Variants in DNAH14 observed in about 807,000 individuals in gnomAD.
The protein encoded by DNAH14 is dynein axonemal heavy chain 14.
Under a neutral mutation model 520.9 loss-of-function variants are expected in DNAH14, and 478 were observed. That is an observed-to-expected ratio of 0.92 (90% CI 0.85 to 0.99). DNAH14 has a LOEUF of 0.99. Among genes scored for constraint, DNAH14 ranks in the 50% least tolerant of loss-of-function variants. The pLI is 0.00. For missense variants in DNAH14, 4,831 were observed against 5,234.5 expected, an observed-to-expected ratio of 0.92 and a Z score of 2.38; for synonymous variants, 1,581 against 1,757.2, an observed-to-expected ratio of 0.90 and a Z score of 2.51.
chr1:225,369,611 CAAAT>C lies in DNAH14; in HGVS notation c.12318+1581_12318+1584del, dbSNP rs531084542. 8.0e-4 allele frequency among the ~76,000 whole-genome samples: 122 copies of C among 151,880 alleles called. 2 individuals carry two copies. The highest frequency in any genetic ancestry group is 2.8e-3 in the African/African-American group (115 of 41,438). ...ATCAGGATTGGACAGCTCTAATAAA[CAAAT>C]ATAAGATGAATAGAATAATGTAGTC... On this transcript the variant is annotated intron_variant, in intron 77 of 85. Coordinates refer to ENST00000682510, the MANE Select transcript of DNAH14 (RefSeq NM_001367479.1).
At chr1:225,190,441 T>C (rs913540851) in intron 37 of DNAH14, among the ~76,000 whole-genome samples, 2 of 152,012 alleles carry the variant, frequency 1.3e-5, no homozygotes, top group Non-Finnish European at 2.9e-5. Context: ...CTACTCAAAA[T>C]AGCATGAAAC....
rs2058562382 is a variant in DNAH14, at chr1:224,929,888, G to C, written c.-34+53G>C. 4.9e-6 allele frequency: 3 copies of C among 614,940 alleles called. No homozygotes were observed. In the South Asian group the frequency reaches 5.6e-5, roughly 11 times the overall value. 38.1% of individuals were successfully genotyped at this position (614,940 alleles called of 1,614,324 possible). ...CGGTCGGCAGAGCCTCGGCGGGCGG[G>C]CGGCGCGTGGGGCAGCCGGTGTCGC... On this transcript the variant is annotated intron_variant, in intron 1 of 85. Coordinates refer to ENST00000682510, the MANE Select transcript of DNAH14 (RefSeq NM_001367479.1).
intron 76 of DNAH14, among the ~76,000 whole-genome samples, chr1:225,366,224 G>T (rs2095551217): frequency 6.6e-6 from 1 of 152,084 alleles, no homozygotes; most frequent in African/African-American, 2.4e-5. Flanking sequence ...TGCTGACAAG[G>T]TAATATCAGG....
chr1:225,254,449 C>T (rs1172041746), intron 44 of DNAH14, among the ~76,000 whole-genome samples: 1 of 152,014 alleles, frequency 6.6e-6, no homozygotes, highest in Non-Finnish European at 1.5e-5. Context: ...ATGCCATGGC[C>T]AAAAAATTGG....
intron 15 of DNAH14, among the ~76,000 whole-genome samples, chr1:225,047,306 C>T (rs368769719): frequency 2.8e-4 from 43 of 152,240 alleles, no homozygotes; most frequent in African/African-American, 9.9e-4. Context: ...ATCTGGCTGA[C>T]ATAATCAACA....
intron 1 of DNAH14, among the ~76,000 whole-genome samples, chr1:224,944,925 AT>A (rs1334288710): frequency 6.6e-6 from 1 of 151,774 alleles, no homozygotes; most frequent in Admixed American, 6.6e-5. Flanking sequence ...TGCCCTTAAC[AT>A]TTTTTCCTTC....
At chr1:225,277,107 G>A (rs1390516622) in intron 53 of DNAH14, among the ~76,000 whole-genome samples, 2 of 104,126 alleles carry the variant, frequency 1.9e-5, no homozygotes, top group African/African-American at 7.3e-5. Flanking sequence ...GGGGGAAAGG[G>A]GGAGGGGGGG....
At chr1:225,087,502 G>A (rs1558915429) in intron 21 of DNAH14, among the ~76,000 whole-genome samples, 1 of 152,166 alleles carries the variant, frequency 6.6e-6, no homozygotes, top group Non-Finnish European at 1.5e-5. Flanking sequence ...AAAATATATG[G>A]AACAATGGTT....
intron 36 of DNAH14, among the ~76,000 whole-genome samples, chr1:225,178,371 G>A (rs913923265): frequency 1.3e-5 from 2 of 152,120 alleles, no homozygotes; most frequent in African/African-American, 4.8e-5. Flanking sequence ...AAATGAGGAG[G>A]CAAAAGCAGA....
intron 10 of DNAH14, among the ~76,000 whole-genome samples, chr1:225,023,141 A>G (rs2065841872): frequency 6.6e-6 from 1 of 152,092 alleles, no homozygotes; most frequent in African/African-American, 2.4e-5. Context: ...ATTGTTGACT[A>G]TGCTCACTAC....
intron 73 of DNAH14, among the ~76,000 whole-genome samples, chr1:225,354,852 C>G (rs2095412571): frequency 6.6e-6 from 1 of 152,094 alleles, no homozygotes; most frequent in South Asian, 2.1e-4. Context: ...ACCAGTAATC[C>G]TTTTGATTTC....
intron 41 of DNAH14, among the ~76,000 whole-genome samples, chr1:225,216,531 C>A (rs527752133): frequency 1.7e-4 from 26 of 152,314 alleles, no homozygotes; most frequent in African/African-American, 6.0e-4. Context: ...TTCTGGTACA[C>A]CAATCAGACG....
intron 1 of DNAH14, among the ~76,000 whole-genome samples, chr1:224,950,008 A>G (rs1571989014): frequency 6.6e-6 from 1 of 152,130 alleles, no homozygotes; most frequent in East Asian, 1.9e-4. Context: ...GTGTCTGTTG[A>G]CCTCTGTATC....
At chr1:225,207,345 A>C in intron 41 of DNAH14, 125 bp downstream of exon 41, 1 of 942,716 alleles carries the variant, frequency 1.1e-6, no homozygotes, top group Non-Finnish European at 1.5e-6. Context: ...TTGGACCAAC[A>C]GCAGATATGC....
intron 31 of DNAH14, among the ~76,000 whole-genome samples, chr1:225,150,116 G>A (rs1278067765): frequency 6.6e-6 from 1 of 152,116 alleles, no homozygotes; most frequent in East Asian, 1.9e-4. Context: ...GAAGGATGTT[G>A]AATTATATCA....
At chr1:225,244,557 ATCT>A (rs1279390219) in intron 43 of DNAH14, among the ~76,000 whole-genome samples, 6 of 152,056 alleles carry the variant, frequency 3.9e-5, no homozygotes, top group Admixed American at 2.0e-4. Flanking sequence ...TCAGGGATTC[ATCT>A]TCTTCCTGGT....
intron 15 of DNAH14, among the ~76,000 whole-genome samples, chr1:225,046,537 T>C (rs2067979445): frequency 6.6e-6 from 1 of 152,212 alleles, no homozygotes; most frequent in South Asian, 2.1e-4. Flanking sequence ...CTGTCTGTCC[T>C]AGCATCATGA....
At chr1:225,367,576 C>T (rs1477623063) in intron 76 of DNAH14, among the ~76,000 whole-genome samples, 2 of 152,240 alleles carry the variant, frequency 1.3e-5, no homozygotes, top group African/African-American at 4.8e-5. Flanking sequence ...CAACATTATA[C>T]TTCCCATTTC....
At position 225,000,465 on chromosome 1, in the gene DNAH14, A is replaced by ATT. The variant is rs113602350; in HGVS notation, c.831-2308_831-2307dup. Among the ~76,000 whole-genome samples, 899 of 139,826 alleles carry ATT rather than the reference A, an allele frequency of 6.4e-3. 2 individuals are homozygous for ATT. The highest frequency in any genetic ancestry group is 0.022 in the African/African-American group (826 of 38,044). The allele number at this position is 139,826 out of a possible 152,430, so 91.7% of individuals were successfully genotyped here. Reference sequence around the variant, plus strand: ...TGTTTCAGCCATTATTTCTTCAAGTATTTTTTTTTTTAGCCCTGTCTTCTT... The same window carrying ATT: ...TGTTTCAGCCATTATTTCTTCAAGTATTTTTTTTTTTTTAGCCCTGTCTTCTT... On this transcript the variant is annotated intron_variant, in intron 8 of 85. Coordinates refer to ENST00000682510, the MANE Select transcript of DNAH14 (RefSeq NM_001367479.1).
Sources: allele counts gnomAD v4.1 joint callset (sites outside exome capture counted in the v4.1 genomes callset), GRCh38; gene constraint gnomAD v4.1.1; transcripts MANE v1.5; gene names NCBI Gene and HGNC (gene_info 2026-07-23, HGNC 2026-07-21).